RBFOX1: variants seen among roughly 807,000 people sequenced by gnomAD.
The protein encoded by RBFOX1 is RNA binding fox-1 homolog 1.
A neutral mutation model predicts 57.7 loss-of-function variants in RBFOX1; 8 were observed. The observed-to-expected ratio is 0.14, with a 90% CI of 0.08 to 0.25. The LOEUF is 0.25. Ranked by LOEUF, RBFOX1 falls within the 10% of genes least tolerant of loss-of-function variation. RBFOX1 has a pLI of 1.00. For missense variants in RBFOX1, 611 were observed against 548.5 expected (o/e 1.11, Z -1.14); for synonymous variants, 326 against 222.4 (o/e 1.47, Z -4.15).
chr16:6,748,220 T>C (rs527590758), intron 3 of RBFOX1, among the ~76,000 whole-genome samples: 7 of 152,200 alleles, frequency 4.6e-5, no homozygotes, highest in Non-Finnish European at 1.0e-4. Flanking sequence ...AGTACCATGC[T>C]GTGCATAAAT....
intron 4 of RBFOX1, chr16:7,304,366 G>T (rs985242004): frequency 2.0e-6 from 2 of 985,246 alleles, no homozygotes; most frequent in Non-Finnish European, 2.4e-6. Context: ...ACTCGGGCTC[G>T]GCGGGCGCCA....
chr16:6,962,897 G>T lies in RBFOX1; in HGVS notation c.-15-89160G>T, dbSNP rs563646071. 7.8e-5 allele frequency among the ~76,000 whole-genome samples: 11 copies of T among 141,628 alleles called. No homozygotes were observed. The South Asian group carries it at 2.7e-3, about 34-fold the overall frequency. The allele number at this position is 141,628 out of a possible 152,430, so 92.9% of individuals were successfully genotyped here. A position where few individuals can be genotyped will look rare whatever the true frequency, so the allele number is the denominator to read the frequency against. On this transcript the variant is annotated intron_variant, in intron 3 of 15. Coordinates refer to ENST00000550418, the MANE Select transcript of RBFOX1 (RefSeq NM_018723.4). ...AAGGGAAAAAAAGAAAAGAAAGTGA[G>T]CCTTGGGATGGGGTGATTTGGGTGG...
chr16:6,682,093 G>A (rs563368218), intron 3 of RBFOX1, among the ~76,000 whole-genome samples: 29 of 152,276 alleles, frequency 1.9e-4, no homozygotes, highest in African/African-American at 7.0e-4. Flanking sequence ...AAAATGTCAC[G>A]ATTCTTTTAA....
At chr16:5,802,499 C>T (rs1395560030) in intron 3 of RBFOX1, among the ~76,000 whole-genome samples, 3 of 152,146 alleles carry the variant, frequency 2.0e-5, no homozygotes, top group African/African-American at 4.8e-5. Flanking sequence ...CTTCCCTCAT[C>T]CCATCCTCTG....
rs372365163 is a variant in RBFOX1, at chr16:7,709,116, C to T, written c.1056C>T (p.Tyr352=). 2.9e-5 allele frequency: 46 copies of T among 1,613,432 alleles called. No individual in the cohort carries two copies. Among genetic ancestry groups the T allele is most frequent in the Middle Eastern group, 3.3e-4 (2 of 6,082 alleles). The change falls in exon 15 of 16, where the codon TAC becomes TAT. Residue 352 remains tyrosine (Y), a synonymous_variant. Coordinates refer to ENST00000550418, the MANE Select transcript of RBFOX1 (RefSeq NM_018723.4). ...YHHALAPAPT[Y]GVGAMNAFAP... is the part of the protein sequence containing the mutation. ...ACGCACTTGCTCCAGCCCCCACCTACGGCGTTGGTGCCATGGTGAGTACAA... is the reference window on the plus strand; with the variant it reads ...ACGCACTTGCTCCAGCCCCCACCTATGGCGTTGGTGCCATGGTGAGTACAA...
chr16:6,921,796 A>G (rs945897115), intron 3 of RBFOX1, among the ~76,000 whole-genome samples: 2 of 150,326 alleles, frequency 1.3e-5, no homozygotes, highest in African/African-American at 2.4e-5. Context: ...GCACACACAC[A>G]TGAACATAAT....
intron 4 of RBFOX1, among the ~76,000 whole-genome samples, chr16:7,420,487 A>T (rs929041869): frequency 6.6e-6 from 1 of 152,212 alleles, no homozygotes; most frequent in Non-Finnish European, 1.5e-5. Flanking sequence ...GTCTAAATCG[A>T]TACATCTCTT....
At chr16:6,181,168 C>T (rs568139739) in intron 1 of RBFOX1, among the ~76,000 whole-genome samples, 8 of 152,162 alleles carry the variant, frequency 5.3e-5, no homozygotes, top group Non-Finnish European at 8.8e-5. Flanking sequence ...TTTTCCATCA[C>T]TGAGAATATA....
chr16:5,435,275 G>A (rs1261607348), intron 1 of RBFOX1, among the ~76,000 whole-genome samples: 2 of 152,204 alleles, frequency 1.3e-5, no homozygotes, highest in African/African-American at 4.8e-5. Context: ...AACAGCTGGT[G>A]TGGGTTTCCT....
At chr16:5,623,639 C>T (rs975068902) in intron 3 of RBFOX1, among the ~76,000 whole-genome samples, 1 of 151,712 alleles carries the variant, frequency 6.6e-6, no homozygotes, top group Non-Finnish European at 1.5e-5. Context: ...ACACTGGTTA[C>T]CCCTTCCCCC....
At chr16:7,462,111 C>T (rs913823687) in intron 4 of RBFOX1, among the ~76,000 whole-genome samples, 1 of 152,130 alleles carries the variant, frequency 6.6e-6, no homozygotes, top group East Asian at 1.9e-4. Context: ...CCTGACATAC[C>T]AGGGAAGCTA....
intron 15 of RBFOX1, chr16:7,709,973 C>A: frequency 9.9e-7 from 1 of 1,006,960 alleles, no homozygotes; most frequent in Non-Finnish European, 1.2e-6. Flanking sequence ...TTTGAATTGC[C>A]AATACTTTTA....
intron 4 of RBFOX1, among the ~76,000 whole-genome samples, chr16:5,886,306 G>A (rs748888333): frequency 5.3e-5 from 8 of 152,146 alleles, no homozygotes; most frequent in Non-Finnish European, 1.2e-4. Flanking sequence ...AGAGATGATG[G>A]GTGGTTATGA....
At position 7,655,497 on chromosome 16, in the gene RBFOX1, A is replaced by G. The variant is rs185212252; in HGVS notation, c.890+1550A>G. 7.2e-4 allele frequency among the ~76,000 whole-genome samples: 109 copies of G among 152,344 alleles called. 1 individual carries two copies. The highest frequency in any genetic ancestry group is 1.3e-3 in the Non-Finnish European group (90 of 68,028). ...TCTTAAGCCTTTTATGTGACCATGC[A>G]ATATAAGGAGTTGTCGATAGTATAA... On this transcript the variant is annotated intron_variant, in intron 12 of 15. Transcript: ENST00000550418.
chr16:7,269,090 A>G (rs1168770303), intron 4 of RBFOX1, among the ~76,000 whole-genome samples: 3 of 150,766 alleles, frequency 2.0e-5, no homozygotes, highest in Non-Finnish European at 4.4e-5. Flanking sequence ...TCTGGATCAC[A>G]TTAACCCTCA....
chr16:7,303,260 C>T (rs756338870), intron 4 of RBFOX1, among the ~76,000 whole-genome samples: 7 of 152,220 alleles, frequency 4.6e-5, no homozygotes, highest in Non-Finnish European at 8.8e-5. Context: ...TGCATCGGCG[C>T]TTCGGTGCTC....
chr16:7,408,726 G>A (rs571946220), intron 4 of RBFOX1, among the ~76,000 whole-genome samples: 1 of 152,140 alleles, frequency 6.6e-6, no homozygotes, highest in Non-Finnish European at 1.5e-5. Context: ...ATGCATTGTA[G>A]GATATTGAAC....
chr16:7,479,694 G>C (rs375235150), intron 4 of RBFOX1, among the ~76,000 whole-genome samples: 1 of 152,100 alleles, frequency 6.6e-6, no homozygotes, highest in African/African-American at 2.4e-5. Flanking sequence ...GCTTCTCTCC[G>C]AGGGGAAGTG....
intron 2 of RBFOX1, among the ~76,000 whole-genome samples, chr16:5,498,471 G>A (rs1391459715): frequency 2.0e-5 from 3 of 152,128 alleles, no homozygotes; most frequent in Non-Finnish European, 4.4e-5. Flanking sequence ...CAGTAGTGAT[G>A]GTGGGTGTTT....
Sources: gnomAD v4.1 joint callset for allele counts (sites outside exome capture counted in the v4.1 genomes callset) on GRCh38, gnomAD v4.1.1 for gene constraint, MANE v1.5 for transcripts, NCBI Gene and HGNC (gene_info 2026-07-23, HGNC 2026-07-21) for gene names.